Variants in PPHLN1 observed in about 807,000 individuals in gnomAD.
PPHLN1 encodes the protein periphilin-1.
A neutral mutation model predicts 51.3 loss-of-function variants in PPHLN1; 29 were observed. The observed-to-expected ratio is 0.57, with a 90% CI of 0.42 to 0.77. The LOEUF is 0.77. PPHLN1 is among the 30% of genes least tolerant of loss of function. The pLI is 0.00. For synonymous variants in PPHLN1, 147 were observed against 147.8 expected (o/e 0.99, Z 0.04); for missense variants, 436 against 438.4 (o/e 0.99, Z 0.05).
chr12:42,330,524 A>G (rs2069551131), intron 1 of PPHLN1, among the ~76,000 whole-genome samples: 1 of 152,204 alleles, frequency 6.6e-6, no homozygotes, highest in Non-Finnish European at 1.5e-5. Flanking sequence ...GAGAATGGTG[A>G]TGACTTTTAC....
intron 5 of PPHLN1, among the ~76,000 whole-genome samples, chr12:42,379,103 A>G (rs182684393): frequency 6.6e-4 from 100 of 152,048 alleles, no homozygotes; most frequent in Non-Finnish European, 9.4e-4. Flanking sequence ...CAATTCTAAT[A>G]CTTATTTTCT....
intron 9 of PPHLN1, among the ~76,000 whole-genome samples, chr12:42,419,268 G>GTC (rs2080761625): frequency 6.6e-6 from 1 of 152,064 alleles, no homozygotes; most frequent in African/African-American, 2.4e-5. Flanking sequence ...TTGAGATGGA[G>GTC]TCTCACTCTG....
chr12:42,396,613 T>TAAAAAA (rs2078219523), intron 8 of PPHLN1, among the ~76,000 whole-genome samples: 1 of 23,114 alleles, frequency 4.3e-5, no homozygotes, highest in Non-Finnish European at 8.3e-5. Context: ...GTCTTGTCAC[T>TAAAAAA]ACAAAAAAAA....
chr12:42,344,936 C>A (rs961126780), intron 2 of PPHLN1, among the ~76,000 whole-genome samples: 1 of 152,088 alleles, frequency 6.6e-6, no homozygotes, highest in Non-Finnish European at 1.5e-5. Flanking sequence ...TCTCGAATTC[C>A]TGGCCTCAAA....
At chr12:42,335,741 C>T (rs1592182856) in intron 1 of PPHLN1, 142 bp from the exon 2 acceptor site, 20 of 203,422 alleles carry the variant, frequency 9.8e-5, no homozygotes, top group East Asian at 1.6e-4. Context: ...AAGAAACATT[C>T]TTTCTTTTGG....
intron 9 of PPHLN1, among the ~76,000 whole-genome samples, chr12:42,418,211 C>CTTTTTT (rs60029170): frequency 1.9e-4 from 19 of 98,352 alleles, no homozygotes; most frequent in Admixed American, 5.9e-4. Flanking sequence ...TCCCGGCCCT[C>CTTTTTT]TTTTTTTTTT....
intron 9 of PPHLN1, among the ~76,000 whole-genome samples, chr12:42,426,228 A>ACACACACCCC (rs371819974): frequency 3.9e-5 from 5 of 129,786 alleles, no homozygotes; most frequent in African/African-American, 1.6e-4. Flanking sequence ...ACACACACAC[A>ACACACACCCC]CCCTCATGCA....
intron 5 of PPHLN1, among the ~76,000 whole-genome samples, chr12:42,380,182 C>T (rs1379090760): frequency 6.6e-6 from 1 of 152,036 alleles, no homozygotes; most frequent in African/African-American, 2.4e-5. Context: ...TCATTCTAAA[C>T]ATTTGCTAGG....
chr12:42,430,645 C>T (rs1566021048), intron 9 of PPHLN1, among the ~76,000 whole-genome samples: 1 of 152,044 alleles, frequency 6.6e-6, no homozygotes, highest in Non-Finnish European at 1.5e-5. Context: ...AGGCACCCAC[C>T]ACCACGCCCA....
chr12:42,335,219 C>T (rs766719890), intron 1 of PPHLN1, among the ~76,000 whole-genome samples: 1 of 152,000 alleles, frequency 6.6e-6, no homozygotes, highest in Admixed American at 6.6e-5. Flanking sequence ...CGTCCCACCC[C>T]CCCCTTCTCT....
intron 2 of PPHLN1, among the ~76,000 whole-genome samples, chr12:42,344,111 T>G (rs1167883990): frequency 6.6e-6 from 1 of 152,128 alleles, no homozygotes; most frequent in African/African-American, 2.4e-5. Flanking sequence ...CAGGGTATAA[T>G]ATATATATTA....
intron 9 of PPHLN1, among the ~76,000 whole-genome samples, chr12:42,424,241 A>G (rs1030469469): frequency 6.6e-6 from 1 of 152,198 alleles, no homozygotes; most frequent in African/African-American, 2.4e-5. Flanking sequence ...GTTTAAAAAC[A>G]TTATAAAACC....
intron 9 of PPHLN1, among the ~76,000 whole-genome samples, chr12:42,412,002 C>T (rs1246350408): frequency 1.3e-5 from 2 of 150,580 alleles, no homozygotes; most frequent in African/African-American, 4.9e-5. Context: ...GTCAGGAGTT[C>T]GAGACTACCC....
At chr12:42,362,004 A>G (rs1349552465) in intron 4 of PPHLN1, among the ~76,000 whole-genome samples, 1 of 152,200 alleles carries the variant, frequency 6.6e-6, no homozygotes. Flanking sequence ...AGCAATGTAT[A>G]AAGTTCCCAG....
chr12:42,350,318 T>TTG (rs1010898048), intron 2 of PPHLN1: 1 of 158,336 alleles, frequency 6.3e-6, no homozygotes, highest in African/African-American at 2.5e-5. Flanking sequence ...GCTCCTCACT[T>TTG]CCTAGACGGG....
intron 1 of PPHLN1, among the ~76,000 whole-genome samples, chr12:42,333,436 A>G (rs1288470942): frequency 6.6e-6 from 1 of 151,400 alleles, no homozygotes; most frequent in African/African-American, 2.4e-5. Flanking sequence ...AATTCTTCCC[A>G]ATCTGTACCA....
At chr12:42,433,820 A>G (rs2082249176) in intron 9 of PPHLN1, among the ~76,000 whole-genome samples, 1 of 152,226 alleles carries the variant, frequency 6.6e-6, no homozygotes, top group African/African-American at 2.4e-5. Flanking sequence ...GAAAATCCAC[A>G]TATAAGTGCA....
At chr12:42,426,931 T>C (rs1251016694) in intron 9 of PPHLN1, among the ~76,000 whole-genome samples, 6 of 152,174 alleles carry the variant, frequency 3.9e-5, no homozygotes, top group Non-Finnish European at 8.8e-5. Flanking sequence ...GGTCTTGAAA[T>C]AGCTAAGCTG....
intron 7 of PPHLN1, among the ~76,000 whole-genome samples, chr12:42,391,042 C>T (rs774141436): frequency 5.3e-5 from 8 of 151,946 alleles, no homozygotes; most frequent in Admixed American, 1.3e-4. Context: ...CAGAAGGTAG[C>T]GCCCTCTTTG....
Sources: gnomAD v4.1 joint callset for allele counts (sites outside exome capture counted in the v4.1 genomes callset) on GRCh38, gnomAD v4.1.1 for gene constraint, MANE v1.5 for transcripts, NCBI Gene and HGNC (gene_info 2026-07-23, HGNC 2026-07-21) for gene names.